The following SORCS3 variants were observed in gnomAD, a reference collection of about 807,000 sequenced individuals.
The protein encoded by SORCS3 is sortilin related VPS10 domain containing receptor 3.
SORCS3 carries 57 observed loss-of-function variants against 146.3 expected under a neutral mutation model. That is an observed-to-expected ratio of 0.39 (90% CI 0.31 to 0.49). The LOEUF (loss-of-function observed/expected upper bound fraction) is 0.49. SORCS3 is among the 20% of genes least tolerant of loss of function. SORCS3 has a pLI of 0.92. For synonymous variants in SORCS3, 653 were observed against 618.5 expected (o/e 1.06, Z -0.83); for missense variants, 1,341 against 1,575.5 (o/e 0.85, Z 2.52).
chr10:105,202,139 TCTC>T (rs555363330), intron 16 of SORCS3, among the ~76,000 whole-genome samples: 20 of 152,286 alleles, frequency 1.3e-4, no homozygotes, highest in Middle Eastern at 3.4e-3. Flanking sequence ...TAAAATTCAT[TCTC>T]CTCACAGCAA....
At chr10:104,975,262 A>G (rs998622987) in intron 3 of SORCS3, among the ~76,000 whole-genome samples, 13 of 152,160 alleles carry the variant, frequency 8.5e-5, no homozygotes, top group African/African-American at 2.7e-4. Flanking sequence ...CTTATACACC[A>G]ATAACAGACA....
chr10:104,927,468 G>C (rs2019159940), intron 3 of SORCS3, among the ~76,000 whole-genome samples: 1 of 152,210 alleles, frequency 6.6e-6, no homozygotes, highest in Non-Finnish European at 1.5e-5. Flanking sequence ...TGTATCTTGA[G>C]AGAGTCAGGC....
intron 1 of SORCS3, among the ~76,000 whole-genome samples, chr10:104,643,311 G>T (rs893791707): frequency 1.3e-4 from 20 of 152,318 alleles, no homozygotes; most frequent in Non-Finnish European, 1.3e-4. Context: ...GGATGTCCAG[G>T]ATTGGGTATC....
intron 1 of SORCS3, among the ~76,000 whole-genome samples, chr10:104,672,114 T>G (rs557905017): frequency 1.3e-5 from 2 of 152,304 alleles, no homozygotes; most frequent in East Asian, 3.9e-4. Flanking sequence ...GGGTTTTTAT[T>G]TTTTGGAAGA....
At chr10:104,785,711 C>G (rs1209593087) in intron 1 of SORCS3, among the ~76,000 whole-genome samples, 1 of 152,180 alleles carries the variant, frequency 6.6e-6, no homozygotes, top group African/African-American at 2.4e-5. Context: ...GTCACCAGAA[C>G]TCACACCTGC....
chr10:104,721,879 T>G (rs1443308306), intron 1 of SORCS3, among the ~76,000 whole-genome samples: 4 of 152,204 alleles, frequency 2.6e-5, no homozygotes, highest in Non-Finnish European at 4.4e-5. Context: ...GATTTTGGGC[T>G]GAGATGATGG....
At chr10:104,994,885 T>G (rs930267052) in intron 4 of SORCS3, among the ~76,000 whole-genome samples, 2 of 152,198 alleles carry the variant, frequency 1.3e-5, no homozygotes, top group African/African-American at 4.8e-5. Context: ...GAAAATAAAG[T>G]TGCAATGAGA....
chr10:104,648,569 A>T (rs553522844), intron 1 of SORCS3, among the ~76,000 whole-genome samples: 1 of 152,264 alleles, frequency 6.6e-6, no homozygotes, highest in Non-Finnish European at 1.5e-5. Flanking sequence ...CGGTGGCTGC[A>T]GACAATGAAT....
chr10:104,889,136 A>G (rs1342464541), intron 2 of SORCS3, among the ~76,000 whole-genome samples: 1 of 151,106 alleles, frequency 6.6e-6, no homozygotes, highest in African/African-American at 2.4e-5. Context: ...TTTTATTGGT[A>G]TATATTTTTT....
At chr10:105,025,551 A>G (rs1293441778) in intron 4 of SORCS3, among the ~76,000 whole-genome samples, 1 of 152,084 alleles carries the variant, frequency 6.6e-6, no homozygotes, top group Non-Finnish European at 1.5e-5. Context: ...CTTCAGATAA[A>G]TTGGAGTTTC....
At chr10:104,651,011 A>G (rs1296973517) in intron 1 of SORCS3, among the ~76,000 whole-genome samples, 1 of 152,266 alleles carries the variant, frequency 6.6e-6, no homozygotes, top group Non-Finnish European at 1.5e-5. Flanking sequence ...CATTTTCAAG[A>G]CTAGAAAAAT....
intron 3 of SORCS3, among the ~76,000 whole-genome samples, chr10:104,976,278 G>A (rs1346423858): frequency 1.3e-5 from 2 of 152,180 alleles, no homozygotes; most frequent in Non-Finnish European, 2.9e-5. Flanking sequence ...CTCAAAAGGA[G>A]ACATTTATGC....
chr10:104,971,182 T>C (rs1464977678), intron 3 of SORCS3, among the ~76,000 whole-genome samples: 2 of 152,164 alleles, frequency 1.3e-5, no homozygotes, highest in Non-Finnish European at 2.9e-5. Flanking sequence ...TGGTTTTAAG[T>C]GAGAGAATGT....
chr10:104,895,791 A>G (rs922633250), intron 2 of SORCS3, among the ~76,000 whole-genome samples: 1 of 152,174 alleles, frequency 6.6e-6, no homozygotes, highest in African/African-American at 2.4e-5. Context: ...CCTGCCTGCT[A>G]GCTTTGCCAA....
intron 1 of SORCS3, among the ~76,000 whole-genome samples, chr10:104,815,990 T>G (rs1315443679): frequency 2.0e-5 from 3 of 152,244 alleles, no homozygotes; most frequent in African/African-American, 7.2e-5. Context: ...TTTAGGTTGC[T>G]TAATTGCTTT....
intron 1 of SORCS3, among the ~76,000 whole-genome samples, chr10:104,758,538 A>G (rs997272717): frequency 1.3e-5 from 2 of 152,096 alleles, no homozygotes; most frequent in African/African-American, 2.4e-5. Flanking sequence ...CAGAGGGGGA[A>G]ACTTTGTCTC....
intron 3 of SORCS3, among the ~76,000 whole-genome samples, chr10:104,945,566 CTTTTT>C (rs10707282): frequency 2.2e-5 from 3 of 135,100 alleles, no homozygotes; most frequent in African/African-American, 2.7e-5. Context: ...GCCTAATGTT[CTTTTT>C]TTTTTTTTTT....
chr10:105,068,884 T>C (rs546629524), intron 5 of SORCS3, among the ~76,000 whole-genome samples: 1 of 152,350 alleles, frequency 6.6e-6, no homozygotes, highest in African/African-American at 2.4e-5. Context: ...GATGCCTTTA[T>C]AGATCATAAA....
chr10:105,004,471 G>T lies in SORCS3; in HGVS notation c.954+26978G>T, dbSNP rs187073988. Reference sequence around the variant, plus strand: ...AGACAGAGCTGGAATTAAGGGGTAGGGGGTACCGAACAGCTGAAGTCAAAG... The same window carrying T: ...AGACAGAGCTGGAATTAAGGGGTAGTGGGTACCGAACAGCTGAAGTCAAAG... On this transcript the variant is annotated intron_variant, in intron 4 of 26. Transcript: ENST00000369701. Among the ~76,000 whole-genome samples the T allele has an allele frequency of 4.4e-3, 671 of 152,246 alleles. 4 individuals carry two copies. The highest frequency in any genetic ancestry group is 0.014 in the South Asian group (67 of 4,818).
Sources: gnomAD v4.1 joint callset for allele counts (sites outside exome capture counted in the v4.1 genomes callset) on GRCh38, gnomAD v4.1.1 for gene constraint, MANE v1.5 for transcripts, NCBI Gene and HGNC (gene_info 2026-07-23, HGNC 2026-07-21) for gene names.